SPATA31F3: variants seen among roughly 807,000 people sequenced by gnomAD.
The protein encoded by SPATA31F3 is protein SPATA31F3.
chr9:34,893,228 C>A, the SPATA31F3 span: 1 of 453,462 alleles, frequency 2.2e-6, no homozygotes, highest in Non-Finnish European at 3.9e-6. Context: ...CCGGGGTTGG[C>A]ATTGTCCTTT....
At chr9:34,893,095 G>A in the SPATA31F3 span, 1 of 916,672 alleles carries the variant, frequency 1.1e-6, no homozygotes, top group Non-Finnish European at 1.6e-6. Flanking sequence ...AGATTTGGCA[G>A]CAGGGGTCTG....
At chr9:34,894,285 C>G in the SPATA31F3 span, among the ~76,000 whole-genome samples, 39 of 152,176 alleles carry the variant, frequency 2.6e-4, no homozygotes, top group Non-Finnish European at 1.5e-5. Flanking sequence ...GCCCAGCCCC[C>G]CTGCCCTGGT....
the SPATA31F3 span, among the ~76,000 whole-genome samples, chr9:34,891,347 A>T: frequency 6.6e-6 from 1 of 152,222 alleles, no homozygotes; most frequent in African/African-American, 2.4e-5. Context: ...ACAATGGCAG[A>T]TATGGGCAGG....
At chr9:34,889,194 A>G in the SPATA31F3 span, 1 of 398,422 alleles carries the variant, frequency 2.5e-6, no homozygotes, top group Non-Finnish European at 4.4e-6. Context: ...TTTTCTTGTG[A>G]TGGGTATTCT....
At chr9:34,890,734 T>C in the SPATA31F3 span, among the ~76,000 whole-genome samples, 187 of 152,348 alleles carry the variant, frequency 1.2e-3, 1 homozygote, top group African/African-American at 4.4e-3. Flanking sequence ...ATTCCCTTGT[T>C]TTTATGGGAC....
At chr9:34,892,314 A>C in the SPATA31F3 span, among the ~76,000 whole-genome samples, 1 of 152,196 alleles carries the variant, frequency 6.6e-6, no homozygotes, top group Non-Finnish European at 1.5e-5. Context: ...GCCTCCCATG[A>C]AACCCAGAGT....
the SPATA31F3 span, chr9:34,894,537 C>A: frequency 0.017 from 6,663 of 398,524 alleles, 359 homozygotes; most frequent in African/African-American, 0.12. Context: ...TTATGTGGAA[C>A]TGGAGAGGAT....
At chr9:34,893,057 T>C in the SPATA31F3 span, 6 of 954,130 alleles carry the variant, frequency 6.3e-6, no homozygotes, top group Non-Finnish European at 9.6e-6. Context: ...TGCCAGCAAT[T>C]GCTTAATCTC....
chr9:34,893,430 G>A, the SPATA31F3 span, among the ~76,000 whole-genome samples: 3 of 151,432 alleles, frequency 2.0e-5, no homozygotes, highest in Non-Finnish European at 4.4e-5. Context: ...GTGAAACCCC[G>A]TCTCTACTAA....
chr9:34,890,851 C>A, the SPATA31F3 span, among the ~76,000 whole-genome samples: 1 of 152,188 alleles, frequency 6.6e-6, no homozygotes, highest in Non-Finnish European at 1.5e-5. Flanking sequence ...GCCTCTCTAG[C>A]GGTACCATCT....
chr9:34,895,011 T>C, the SPATA31F3 span: 83,423 of 398,030 alleles, frequency 0.21, 9,895 homozygotes, highest in East Asian at 0.46. Flanking sequence ...ACAGCAGAAG[T>C]GAATTAGAGG....
At chr9:34,891,526 G>T in the SPATA31F3 span, among the ~76,000 whole-genome samples, 1 of 152,184 alleles carries the variant, frequency 6.6e-6, no homozygotes, top group African/African-American at 2.4e-5. Context: ...ACATAGGTCA[G>T]GGCTGTACTG....
At chr9:34,889,765 T>C in the SPATA31F3 span, 1 of 397,142 alleles carries the variant, frequency 2.5e-6, no homozygotes, top group Admixed American at 4.4e-5. Context: ...CCTGAACTAT[T>C]TGACCCTGAA....
chr9:34,895,438 A>T, the SPATA31F3 span: 4 of 397,148 alleles, frequency 1.0e-5, no homozygotes, highest in South Asian at 5.7e-4. Flanking sequence ...AACCAGAATA[A>T]TCACCCAAAT....
the SPATA31F3 span, chr9:34,892,948 A>C: frequency 2.9e-6 from 2 of 687,072 alleles, no homozygotes; most frequent in Non-Finnish European, 5.3e-6. Context: ...CCAGATCCTG[A>C]CTATGCTTAA....
At chr9:34,893,795 G>A in the SPATA31F3 span, among the ~76,000 whole-genome samples, 61 of 152,184 alleles carry the variant, frequency 4.0e-4, no homozygotes, top group Middle Eastern at 3.4e-3. Flanking sequence ...GGAGCCAGGC[G>A]GTTAGCTGAT....
chr9:34,891,460 G>T, the SPATA31F3 span, among the ~76,000 whole-genome samples: 1 of 152,308 alleles, frequency 6.6e-6, no homozygotes, highest in African/African-American at 2.4e-5. Context: ...TGCCACAGTG[G>T]ATCAGAGAAG....
At chr9:34,892,940 A>C in the SPATA31F3 span, 1 of 687,242 alleles carries the variant, frequency 1.5e-6, no homozygotes, top group East Asian at 2.7e-5. Flanking sequence ...CGGGGAGCCC[A>C]GATCCTGACT....
chr9:34,889,258 G>A, the SPATA31F3 span: 1 of 398,700 alleles, frequency 2.5e-6, no homozygotes, highest in Admixed American at 4.4e-5. Flanking sequence ...TAGATTTCCT[G>A]GTTGAGTGGC....
Sources: gnomAD v4.1 joint callset for allele counts (sites outside exome capture counted in the v4.1 genomes callset) on GRCh38, gnomAD v4.1.1 for gene constraint, MANE v1.5 for transcripts, NCBI Gene and HGNC (gene_info 2026-07-23, HGNC 2026-07-21) for gene names.